CCDC61: variants seen among roughly 807,000 people sequenced by gnomAD.
The protein encoded by CCDC61 is coiled-coil domain containing 61, also known as centrosomal protein CCDC61.
A neutral mutation model predicts 63.0 loss-of-function variants in CCDC61; 55 were observed. The observed-to-expected ratio is 0.87, with a 90% CI of 0.70 to 1.09. The LOEUF (loss-of-function observed/expected upper bound fraction) is 1.09, where lower values mean the gene tolerates loss of function less well. Ranked by LOEUF, CCDC61 falls within the 50% of genes least tolerant of loss-of-function variation. The pLI, the probability that CCDC61 is intolerant of heterozygous loss-of-function variation, is 0.00. For synonymous variants in CCDC61, 270 were observed against 317.0 expected (o/e 0.85, Z 1.58); for missense variants, 651 against 731.4 (o/e 0.89, Z 1.27).
chr19:45,996,299 TG>T (rs1452724175), intron 1 of CCDC61: 1 of 152,350 alleles, frequency 6.6e-6, no homozygotes, highest in Admixed American at 6.5e-5. Flanking sequence ...CTTCTCTCTT[TG>T]GAAGTTCATC....
At chr19:46,012,515 C>T (rs1600651416) in intron 5 of CCDC61, among the ~76,000 whole-genome samples, 2 of 152,066 alleles carry the variant, frequency 1.3e-5, no homozygotes, top group Non-Finnish European at 2.9e-5. Context: ...GGCAGGGTGG[C>T]GCATGCCTGT....
At chr19:45,996,886 T>A (rs768622745) in intron 1 of CCDC61, among the ~76,000 whole-genome samples, 17 of 152,330 alleles carry the variant, frequency 1.1e-4, no homozygotes, top group Non-Finnish European at 2.2e-4. Flanking sequence ...AGGTGGGCTC[T>A]CTGCCTCTCA....
In CCDC61 at chr19:46,003,030, G is replaced by T; in HGVS notation, c.12G>T (p.Pro4=). 1 of 1,566,838 alleles carries T rather than the reference G, an allele frequency of 6.4e-7. No homozygotes were observed. Among genetic ancestry groups the T allele is most frequent in the Non-Finnish European group, 8.7e-7 (1 of 1,155,558 alleles). Reference sequence around the variant, plus strand: ...CAGCAACCTTGGCCATGGACCAGCCGGCTGGCCTGCAGGTGGACTACGTCT... The same window carrying T: ...CAGCAACCTTGGCCATGGACCAGCCTGCTGGCCTGCAGGTGGACTACGTCT... MDQ[P]AGLQVDYVFR... is the part of the protein sequence containing the mutation. The change falls in exon 2 of 14, where the codon CCG becomes CCT. Residue 4 remains proline (P), a synonymous_variant. Transcript: ENST00000595358.
Position 46,016,253 on chromosome 19 carries a change from G to A in CCDC61, c.1015+30G>A. 2 of 1,598,194 alleles carry A rather than the reference G, an allele frequency of 1.3e-6. No homozygotes were observed. The highest frequency in any genetic ancestry group is 2.2e-5 in the South Asian group (2 of 88,996). On this transcript the variant is annotated intron_variant, in intron 8 of 13. Coordinates refer to ENST00000595358, the MANE Select transcript of CCDC61 (RefSeq NM_001267723.2). The surrounding 1 kb of genome is among the most constrained non-coding windows in gnomAD (Gnocchi z 7.2). Reference sequence around the variant, plus strand: ...GTGCCCCTGCCCTGCGGTAGGGAGGGGACGCACTGGCGCTGCCAAGGCCCG... The same window carrying A: ...GTGCCCCTGCCCTGCGGTAGGGAGGAGACGCACTGGCGCTGCCAAGGCCCG...
At chr19:46,011,329 C>T (rs2146477701) in intron 5 of CCDC61, among the ~76,000 whole-genome samples, 1 of 152,258 alleles carries the variant, frequency 6.6e-6, no homozygotes, top group South Asian at 2.1e-4. Flanking sequence ...AGATTACAGG[C>T]ACGAGCCACT....
At position 46,003,083 on chromosome 19, in the gene CCDC61, T is replaced by G. The variant is rs201396254; in HGVS notation, c.65T>G (p.Val22Gly). 133 of 1,609,730 alleles carry G rather than the reference T, an allele frequency of 8.3e-5. No homozygotes were observed. In the Admixed American group the frequency reaches 9.1e-4, roughly 11 times the overall value. ...CGGGGTGTGGAGCATGCCGTGCGGG[T>G]GATGGTTTCTGGGCAGGTGCTGGAG... Reference protein sequence around the residue: ...VFRGVEHAVRVMVSGQVLELE... With the variant: ...VFRGVEHAVRGMVSGQVLELE... The change falls in exon 2 of 14, where the codon GTG becomes GGG. Residue 22 changes from valine (V) to glycine (G), a missense_variant. Coordinates refer to ENST00000595358, the MANE Select transcript of CCDC61 (RefSeq NM_001267723.2).
intron 1 of CCDC61, among the ~76,000 whole-genome samples, chr19:46,001,885 C>T (rs909509143): frequency 1.3e-5 from 2 of 152,186 alleles, no homozygotes; most frequent in Non-Finnish European, 2.9e-5. Context: ...TTAAAAATCC[C>T]TTACCTGGAG....
chr19:46,014,541 T>C (rs1968887268), intron 5 of CCDC61, among the ~76,000 whole-genome samples: 1 of 152,182 alleles, frequency 6.6e-6, no homozygotes, highest in Non-Finnish European at 1.5e-5. Context: ...TTATTTCCAC[T>C]CTTTTGCTAT....
intron 5 of CCDC61, among the ~76,000 whole-genome samples, chr19:46,011,033 G>A (rs1405421139): frequency 1.3e-5 from 2 of 151,694 alleles, no homozygotes; most frequent in African/African-American, 2.4e-5. Flanking sequence ...GCAGTTTGTC[G>A]AGGTCTTTCT....
chr19:46,016,139 G>A lies in CCDC61; in HGVS notation c.931G>A (p.Gly311Ser), dbSNP rs916603518. The A allele has an allele frequency of 4.8e-6, 6 of 1,244,528 alleles. No homozygotes were observed. Among genetic ancestry groups the A allele is most frequent in the East Asian group, 3.2e-5 (1 of 31,566 alleles). 77.1% of individuals were successfully genotyped at this position (1,244,528 alleles called of 1,614,324 possible). ...GGAGCGCTCCGCGTCGCGAGGCCGC[G>A]GCGCCGCGCGCTCCTCATCCCGGGA... ...SRERSASRGR[G>S]AARSSSRESG... is the part of the protein sequence containing the mutation. Residue 311 changes from glycine to serine, a missense_variant, in exon 8 of 14, where the codon GGC becomes AGC. Coordinates refer to ENST00000595358, the MANE Select transcript of CCDC61 (RefSeq NM_001267723.2). The surrounding 1 kb of genome is among the most constrained non-coding windows in gnomAD (Gnocchi z 7.2).
At position 46,016,055 on chromosome 19, in the gene CCDC61, A is replaced by G; in HGVS notation, c.847A>G (p.Arg283Gly). 8.1e-7 allele frequency: 1 copy of G among 1,235,534 alleles called. No individual in the cohort carries two copies. Among genetic ancestry groups the G allele is most frequent in the Non-Finnish European group, 1.0e-6 (1 of 991,128 alleles). 76.5% of individuals were successfully genotyped at this position (1,235,534 alleles called of 1,614,324 possible). A position where few individuals can be genotyped will look rare whatever the true frequency, so the allele number is the denominator to read the frequency against. ...TSELALYKRG[R>G]RTPPVQPPPT... ...TGACAGCTGCCTCTGTGGTCTCAGG[A>G]GGCGGACTCCGCCGGTGCAGCCGCC... is the stretch of plus-strand genomic sequence containing the variant. The change falls in exon 8 of 14, where the codon AGG becomes GGG. Residue 283 changes from arginine (R) to glycine (G), a missense_variant and splice_region_variant. Arg to Gly is a moderately radical substitution (Grantham distance 125). Transcript: ENST00000595358. The surrounding 1 kb of genome is among the most constrained non-coding windows in gnomAD (Gnocchi z 7.2).
intron 1 of CCDC61, among the ~76,000 whole-genome samples, chr19:45,997,257 C>G (rs1600636945): frequency 2.0e-5 from 3 of 152,314 alleles, no homozygotes; most frequent in Admixed American, 2.0e-4. Flanking sequence ...ACACCTCTTT[C>G]AGGTCTCCGC....
At chr19:46,012,877 A>T (rs1263322290) in intron 5 of CCDC61, among the ~76,000 whole-genome samples, 28 of 148,840 alleles carry the variant, frequency 1.9e-4, no homozygotes, top group Admixed American at 1.8e-3. Flanking sequence ...TAAGAGACAG[A>T]GTCTTGCCCT....
chr19:46,014,768 C>T (rs765060662), intron 5 of CCDC61, among the ~76,000 whole-genome samples: 7 of 152,124 alleles, frequency 4.6e-5, no homozygotes, highest in Non-Finnish European at 1.0e-4. Flanking sequence ...GCTGTGTTCC[C>T]ACTCCTTCAC....
chr19:46,009,863 CTGTG>C (rs146005277), intron 5 of CCDC61, among the ~76,000 whole-genome samples: 7 of 151,328 alleles, frequency 4.6e-5, no homozygotes, highest in African/African-American at 1.2e-4. Context: ...CTGTCTCAGG[CTGTG>C]TGTGTGTGTT....
chr19:46,017,191 G>A (rs1486368128), intron 11 of CCDC61, 56 bp from the exon 12 acceptor site: 6 of 1,543,786 alleles, frequency 3.9e-6, no homozygotes, highest in Non-Finnish European at 5.3e-6. Context: ...AGGTCGGGGA[G>A]GTGGGAAGTA....
At chr19:45,999,728 G>A (rs566315822) in intron 1 of CCDC61, among the ~76,000 whole-genome samples, 6 of 152,218 alleles carry the variant, frequency 3.9e-5, no homozygotes, top group South Asian at 2.1e-4. Context: ...GAAAGGAAAG[G>A]GGTCATCCTA....
At position 46,008,429 on chromosome 19, in the gene CCDC61, A is replaced by G. The variant is rs934580430; in HGVS notation, c.551+128A>G. 1.5e-5 allele frequency: 13 copies of G among 839,250 alleles called. No homozygotes were observed. In the African/African-American group the frequency reaches 2.1e-4, roughly 14 times the overall value. The allele number at this position is 839,250 out of a possible 1,614,324, so 52.0% of individuals were successfully genotyped here. A position where few individuals can be genotyped will look rare whatever the true frequency, so the allele number is the denominator to read the frequency against. On this transcript the variant is annotated intron_variant, in intron 5 of 13. Transcript: ENST00000595358. ...CACCACGTATTCTTTTTTTTTTGAGACAAGAGTCTCACTCTGTTGCCCAGG... is the reference window on the plus strand; with the variant it reads ...CACCACGTATTCTTTTTTTTTTGAGGCAAGAGTCTCACTCTGTTGCCCAGG...
Position 46,016,702 on chromosome 19 carries a change from A to C in CCDC61, c.1100A>C (p.Gln367Pro), listed in dbSNP as rs1026391943. 3.1e-6 allele frequency: 5 copies of C among 1,612,084 alleles called. No individual in the cohort carries two copies. In the African/African-American group the frequency reaches 6.7e-5, roughly 22 times the overall value. ...KQREIQMKQQQRNRLGSGGSG... is the reference protein window; with the variant it reads ...KQREIQMKQQPRNRLGSGGSG... ...CCTTTCTTTTTTCCCAGGCAGCAGC[A>C]GCGGAACCGCTTAGGCAGTGGGGGA... Residue 367 changes from glutamine (Q) to proline (P), a missense_variant, in exon 10 of 14, where the codon CAG becomes CCG. Coordinates refer to ENST00000595358, the MANE Select transcript of CCDC61 (RefSeq NM_001267723.2). The surrounding 1 kb of genome is among the most constrained non-coding windows in gnomAD (Gnocchi z 7.2).
Sources: gnomAD v4.1 joint callset for allele counts (sites outside exome capture counted in the v4.1 genomes callset) on GRCh38, gnomAD v4.1.1 for gene constraint, Gnocchi (gnomAD v3.1) non-coding constraint, MANE v1.5 for transcripts, NCBI Gene and HGNC (gene_info 2026-07-23, HGNC 2026-07-21) for gene names.